Variants in GAS2 observed in about 807,000 individuals in gnomAD.
The protein encoded by GAS2 is growth arrest-specific protein 2.
A neutral mutation model predicts 37.5 loss-of-function variants in GAS2; 20 were observed. The observed-to-expected ratio is 0.53, with a 90% CI of 0.37 to 0.77. The LOEUF (loss-of-function observed/expected upper bound fraction) is 0.77, where lower values mean the gene tolerates loss of function less well. GAS2 is among the 30% of genes least tolerant of loss of function. GAS2 has a pLI of 0.00. For synonymous variants in GAS2, 144 were observed against 132.2 expected (o/e 1.09, Z -0.61); for missense variants, 336 against 373.4 (o/e 0.90, Z 0.82).
chr11:22,648,520 G>T (rs1294289897), intron 1 of GAS2, among the ~76,000 whole-genome samples: 2 of 152,116 alleles, frequency 1.3e-5, no homozygotes, highest in African/African-American at 4.8e-5. Flanking sequence ...TGCGCAGTAT[G>T]GCCATTTTCA....
chr11:22,661,696 G>C (rs1178797226), upstream of GAS2, among the ~76,000 whole-genome samples: 1 of 152,096 alleles, frequency 6.6e-6, no homozygotes, highest in East Asian at 1.9e-4. Context: ...GAGGTGTAAC[G>C]GTATAAGATG....
chr11:22,765,842 C>T (rs114045987), intron 7 of GAS2, among the ~76,000 whole-genome samples: 2,198 of 152,068 alleles, frequency 0.014, 54 homozygotes, highest in African/African-American at 0.05. Flanking sequence ...TTAATTGGCT[C>T]CTGGTTCTGC....
At chr11:22,669,477 T>G (rs1849118068) in intron 1 of GAS2, among the ~76,000 whole-genome samples, 1 of 152,150 alleles carries the variant, frequency 6.6e-6, no homozygotes, top group Admixed American at 6.5e-5. Flanking sequence ...AAGAAATTGT[T>G]ATTTGTAACT....
intron 4 of GAS2, among the ~76,000 whole-genome samples, chr11:22,729,747 A>G (rs754008709): frequency 9.8e-6 from 1 of 102,248 alleles, no homozygotes; most frequent in African/African-American, 3.6e-5. Context: ...AATAAAATCT[A>G]CCTTATTACT....
chr11:22,629,212 T>C (rs1858711725), intron 1 of GAS2, among the ~76,000 whole-genome samples: 1 of 152,236 alleles, frequency 6.6e-6, no homozygotes. Context: ...GGATCAAATG[T>C]AGCTCTACAT....
chr11:22,709,900 C>T (rs1338611953), intron 3 of GAS2, among the ~76,000 whole-genome samples: 1 of 151,548 alleles, frequency 6.6e-6, no homozygotes, highest in African/African-American at 2.4e-5. Flanking sequence ...TCTCAGTAAA[C>T]TATTGCAAGG....
intron 1 of GAS2, chr11:22,674,638 A>G (rs1849343975): frequency 9.0e-6 from 3 of 333,748 alleles, no homozygotes; most frequent in Non-Finnish European, 1.6e-5. Flanking sequence ...TTTCTATTTG[A>G]CCTTTGATTG....
chr11:22,750,283 G>A (rs35916693), intron 6 of GAS2, among the ~76,000 whole-genome samples: 1 of 151,960 alleles, frequency 6.6e-6, no homozygotes, highest in Non-Finnish European at 1.5e-5. Context: ...GCAGAAAAGA[G>A]CTGGGAAAAT....
chr11:22,787,612 A>G (rs1274025772), intron 7 of GAS2, among the ~76,000 whole-genome samples: 1 of 152,196 alleles, frequency 6.6e-6, no homozygotes, highest in Non-Finnish European at 1.5e-5. Flanking sequence ...AAGATCAGCT[A>G]AATAGTTTTT....
chr11:22,633,794 G>T (rs990222171), intron 1 of GAS2, among the ~76,000 whole-genome samples: 1 of 152,192 alleles, frequency 6.6e-6, no homozygotes, highest in Non-Finnish European at 1.5e-5. Context: ...ATTCAGATGA[G>T]ACAGGCATCC....
intron 2 of GAS2, among the ~76,000 whole-genome samples, chr11:22,682,243 A>C (rs1325609865): frequency 6.6e-6 from 1 of 152,040 alleles, no homozygotes; most frequent in Non-Finnish European, 1.5e-5. Flanking sequence ...AATGTATAAA[A>C]AGTAAAAATC....
At chr11:22,643,012 T>C (rs1011043121) in intron 1 of GAS2, among the ~76,000 whole-genome samples, 9 of 152,184 alleles carry the variant, frequency 5.9e-5, no homozygotes, top group Non-Finnish European at 4.4e-5. Flanking sequence ...TATGTTTCTA[T>C]TTTTATATTT....
chr11:22,632,611 G>C (rs1041365425), intron 1 of GAS2, among the ~76,000 whole-genome samples: 1 of 152,166 alleles, frequency 6.6e-6, no homozygotes, highest in African/African-American at 2.4e-5. Context: ...CAAAGCCAGG[G>C]AAGTTTTCCT....
chr11:22,735,533 G>A (rs12420811), intron 4 of GAS2, among the ~76,000 whole-genome samples: 21,689 of 151,642 alleles, frequency 0.14, 1,692 homozygotes, highest in East Asian at 0.2. Flanking sequence ...TAATGAGTCT[G>A]TGATAGAGTT....
chr11:22,737,654 G>C (rs1293878590), intron 4 of GAS2, 51 bp from the exon 5 acceptor site: 1 of 1,557,058 alleles, frequency 6.4e-7, no homozygotes, highest in Admixed American at 1.7e-5. Context: ...GTGCTGTTGA[G>C]CTGCTTATTC....
Position 22,812,554 on chromosome 11 carries a change from G to A in GAS2, c.*538G>A, listed in dbSNP as rs1029507196. On this transcript the variant is annotated 3_prime_UTR_variant, in exon 8 of 8. Coordinates refer to ENST00000454584, the MANE Select transcript of GAS2 (RefSeq NM_001143830.3). ...ATATGTTACTGGAAAGGCCACTTCC[G>A]AAAAGTTTACATTCACTTGGAAGGC... 6.6e-6 allele frequency: 1 copy of A among 151,658 alleles called. No homozygotes were observed. The highest frequency in any genetic ancestry group is 2.4e-5 in the African/African-American group (1 of 41,002). The allele number at this position is 151,658 out of a possible 1,614,324, so 9.4% of individuals were successfully genotyped here. A position where few individuals can be genotyped will look rare whatever the true frequency, so the allele number is the denominator to read the frequency against.
At chr11:22,738,945 A>C (rs1852900745) in intron 5 of GAS2, among the ~76,000 whole-genome samples, 1 of 152,178 alleles carries the variant, frequency 6.6e-6, no homozygotes. Context: ...GAGTAAAAAA[A>C]CAATTTGAGA....
intron 1 of GAS2, among the ~76,000 whole-genome samples, chr11:22,633,361 A>T (rs560580772): frequency 1.3e-5 from 2 of 152,142 alleles, no homozygotes; most frequent in Non-Finnish European, 2.9e-5. Context: ...CCTTGGTGTG[A>T]TGGCCTTCTC....
At chr11:22,755,728 A>C in intron 6 of GAS2, 118 bp from the exon 7 acceptor site, 1 of 643,306 alleles carries the variant, frequency 1.6e-6, no homozygotes, top group Non-Finnish European at 2.7e-6. Flanking sequence ...CATGATGTCC[A>C]TAGATAAATA....
Sources: gnomAD v4.1 joint callset for allele counts (sites outside exome capture counted in the v4.1 genomes callset) on GRCh38, gnomAD v4.1.1 for gene constraint, MANE v1.5 for transcripts, NCBI Gene and HGNC (gene_info 2026-07-23, HGNC 2026-07-21) for gene names.